PGM5: variants seen among roughly 807,000 people sequenced by gnomAD.
PGM5 encodes phosphoglucomutase-like protein 5.
PGM5 carries 23 observed loss-of-function variants against 59.2 expected under a neutral mutation model. The ratio of observed to expected loss-of-function variants is 0.39; its 90% CI spans 0.28 to 0.55. The LOEUF is 0.55. Among genes scored for constraint, PGM5 ranks in the 20% least tolerant of loss-of-function variants. The pLI, the probability that PGM5 is intolerant of heterozygous loss-of-function variation, is 0.66. For synonymous variants in PGM5, 214 were observed against 286.0 expected (o/e 0.75, Z 2.54); for missense variants, 574 against 748.3 (o/e 0.77, Z 2.72).
chr9:68,380,605 C>T (rs1216703424), intron 2 of PGM5, among the ~76,000 whole-genome samples: 2 of 151,398 alleles, frequency 1.3e-5, no homozygotes, highest in Admixed American at 1.3e-4. Context: ...AGAACAGAAG[C>T]AAATAAAATG....
At chr9:68,470,132 C>T (rs1213195445) in intron 7 of PGM5, among the ~76,000 whole-genome samples, 2 of 152,114 alleles carry the variant, frequency 1.3e-5, no homozygotes, top group Non-Finnish European at 2.9e-5. Flanking sequence ...ATCTCCCTTC[C>T]TGGAACTAGT....
At chr9:68,516,182 T>G (rs11142714) in intron 10 of PGM5, among the ~76,000 whole-genome samples, 1 of 152,164 alleles carries the variant, frequency 6.6e-6, no homozygotes, top group Non-Finnish European at 1.5e-5. Context: ...AGGTCCTTAT[T>G]ATGTGCCATC....
chr9:68,385,022 C>A (rs1322095606), intron 3 of PGM5, among the ~76,000 whole-genome samples: 3 of 151,884 alleles, frequency 2.0e-5, no homozygotes, highest in African/African-American at 7.3e-5. Context: ...ATACCAAGCA[C>A]CGTGTTAGGA....
intron 8 of PGM5, among the ~76,000 whole-genome samples, chr9:68,482,670 G>T (rs1554687206): frequency 6.6e-6 from 1 of 152,168 alleles, no homozygotes; most frequent in African/African-American, 2.4e-5. Flanking sequence ...CAAGTGACTT[G>T]GGTGCAGCTG....
chr9:68,442,876 G>A (rs1554683776), intron 6 of PGM5, among the ~76,000 whole-genome samples: 1 of 152,154 alleles, frequency 6.6e-6, no homozygotes. Flanking sequence ...AATTAGAATT[G>A]CTAAAATAAA....
At chr9:68,364,506 A>G (rs1834641744) in intron 1 of PGM5, among the ~76,000 whole-genome samples, 1 of 152,042 alleles carries the variant, frequency 6.6e-6, no homozygotes, top group Non-Finnish European at 1.5e-5. Context: ...TGTATTTTCT[A>G]CTGGAGTTCA....
chr9:68,507,790 C>T lies in PGM5; in HGVS notation c.1614+8429C>T, dbSNP rs782497532. Among the ~76,000 whole-genome samples, 84 of 152,170 alleles carry T rather than the reference C, an allele frequency of 5.5e-4. 1 individual carries two copies. Among genetic ancestry groups the T allele is most frequent in the South Asian group, 2.1e-4 (1 of 4,816 alleles). On this transcript the variant is annotated intron_variant, in intron 10 of 10. Coordinates refer to ENST00000396396, the MANE Select transcript of PGM5 (RefSeq NM_021965.4). Reference sequence around the variant, plus strand: ...GTACTTTCTGGAAAGGCAGACAAAACGCCAGGGCAAACAGTCCTTCTTTTT... The same window carrying T: ...GTACTTTCTGGAAAGGCAGACAAAATGCCAGGGCAAACAGTCCTTCTTTTT...
At chr9:68,357,660 G>A (rs1436061239) in intron 1 of PGM5, 2 of 532,046 alleles carry the variant, frequency 3.8e-6, no homozygotes, top group East Asian at 7.1e-5. Flanking sequence ...GGGCGCCCTG[G>A]ACTCTTCTCC....
intron 7 of PGM5, among the ~76,000 whole-genome samples, chr9:68,475,881 C>T (rs952863910): frequency 6.6e-6 from 1 of 152,078 alleles, no homozygotes; most frequent in East Asian, 1.9e-4. Flanking sequence ...ATTAGCCAGG[C>T]ATGGTGGTGT....
chr9:68,411,659 C>A lies in PGM5; in HGVS notation c.1043+19186C>A, dbSNP rs2258204. ...AACCTTCTCTGGGTCAGATAGTGTA[C>A]GAATAATGAAATTCATGCTTACTGT... On this transcript the variant is annotated intron_variant, in intron 6 of 10. Coordinates refer to ENST00000396396, the MANE Select transcript of PGM5 (RefSeq NM_021965.4). 5.4e-3 allele frequency among the ~76,000 whole-genome samples: 815 copies of A among 152,032 alleles called. 9 individuals are homozygous for A. Among genetic ancestry groups the A allele is most frequent in the Non-Finnish European group, 4.9e-3 (330 of 67,996 alleles).
intron 6 of PGM5, chr9:68,464,487 A>C (rs1378552742): frequency 6.6e-6 from 1 of 152,394 alleles, no homozygotes; most frequent in African/African-American, 2.4e-5. Flanking sequence ...CAGTCATTGC[A>C]TGTGGATTAA....
chr9:68,530,237 C>T lies in PGM5; in HGVS notation c.*581C>T, dbSNP rs1342036782. The T allele has an allele frequency of 6.6e-6, 1 of 152,438 alleles. No individual in the cohort carries two copies. The highest frequency in any genetic ancestry group is 1.5e-5 in the Non-Finnish European group (1 of 68,154). The allele number at this position is 152,438 out of a possible 1,614,324, so 9.4% of individuals were successfully genotyped here. On this transcript the variant is annotated 3_prime_UTR_variant, in exon 11 of 11. Transcript: ENST00000396396. The stretch of plus-strand genomic sequence containing the variant: ...ATCCCCAACATCCCTGTACCACCTT[C>T]TCTCACATCTTCTAAAGCTTTGTAC...
At chr9:68,475,327 G>A (rs948373799) in intron 7 of PGM5, among the ~76,000 whole-genome samples, 1 of 151,558 alleles carries the variant, frequency 6.6e-6, no homozygotes, top group East Asian at 1.9e-4. Flanking sequence ...GAGCCACCGT[G>A]CCTGGCTAAC....
intron 1 of PGM5, among the ~76,000 whole-genome samples, chr9:68,363,590 C>G (rs1444087765): frequency 6.6e-6 from 1 of 152,376 alleles, no homozygotes; most frequent in East Asian, 1.9e-4. Flanking sequence ...TAACCACACC[C>G]TCTTTTGACT....
chr9:68,476,378 T>A (rs897199930), intron 7 of PGM5, among the ~76,000 whole-genome samples: 16 of 152,322 alleles, frequency 1.1e-4, no homozygotes, highest in African/African-American at 3.6e-4. Context: ...ATTAAAAAAA[T>A]ATCCAGCCTA....
intron 10 of PGM5, among the ~76,000 whole-genome samples, chr9:68,514,648 G>GA (rs1263858634): frequency 1.1e-4 from 17 of 151,940 alleles, no homozygotes; most frequent in Non-Finnish European, 2.4e-4. Context: ...AAACTGGAGG[G>GA]AAAAAAGGGC....
chr9:68,449,556 C>T (rs1229262754), intron 6 of PGM5, among the ~76,000 whole-genome samples: 1 of 152,184 alleles, frequency 6.6e-6, no homozygotes, highest in Non-Finnish European at 1.5e-5. Flanking sequence ...CCTTCCCCTA[C>T]CCAAGGTAAG....
At chr9:68,371,842 T>A in intron 1 of PGM5, 1 of 152,228 alleles carries the variant, frequency 6.6e-6, no homozygotes, top group African/African-American at 2.4e-5. Context: ...AGAGAAGACA[T>A]AGACACGCAG....
chr9:68,363,899 G>A (rs1327148696), intron 1 of PGM5, among the ~76,000 whole-genome samples: 3 of 152,018 alleles, frequency 2.0e-5, no homozygotes, highest in South Asian at 2.1e-4. Flanking sequence ...TTGTAACATC[G>A]ATAGCACTGG....
Sources: allele counts gnomAD v4.1 joint callset (sites outside exome capture counted in the v4.1 genomes callset), GRCh38; gene constraint gnomAD v4.1.1; transcripts MANE v1.5; gene names NCBI Gene and HGNC (gene_info 2026-07-23, HGNC 2026-07-21).